TTC1: variants seen among roughly 807,000 people sequenced by gnomAD.
TTC1 encodes tetratricopeptide repeat domain 1.
In TTC1, 31 loss-of-function variants were observed where a neutral mutation model predicts 37.6. The observed-to-expected ratio is 0.82, with a 90% CI of 0.62 to 1.11. TTC1 has a LOEUF of 1.11. TTC1 is among the 50% of genes most tolerant of loss of function. The pLI is 0.00. For synonymous variants in TTC1, 127 were observed against 122.4 expected (o/e 1.04, Z -0.25); for missense variants, 351 against 339.0 (o/e 1.04, Z -0.28).
Position 160,051,176 on chromosome 5 carries a change from G to A in TTC1, c.738G>A (p.Glu246=), listed in dbSNP as rs745374026. The part of the protein sequence containing the change: ...IEERNERLKE[E]MLGKLKDLGN... ...AACGTAATGAAAGACTAAAAGAAGA[G>A]ATGTTAGGTAAGCTTACTTCTTACT... The change falls in exon 7 of 8, where the codon GAG becomes GAA. Residue 246 remains glutamate (E), a synonymous_variant. Coordinates refer to ENST00000231238, the MANE Select transcript of TTC1 (RefSeq NM_003314.3). 8.1e-6 allele frequency: 13 copies of A among 1,609,326 alleles called. No individual in the cohort carries two copies. Among genetic ancestry groups the A allele is most frequent in the African/African-American group, 2.7e-5 (2 of 74,562 alleles).
Position 160,054,026 on chromosome 5 carries a change from G to A in TTC1, c.745+2843G>A, listed in dbSNP as rs114305265. On this transcript the variant is annotated intron_variant, in intron 7 of 7. Transcript: ENST00000231238. ...CAGAAGATGATCGTGATAGCATCAA[G>A]ACGATCACTTGAGGAAAGTGGTCAG... Among the ~76,000 whole-genome samples, 589 of 152,308 alleles carry A rather than the reference G, an allele frequency of 3.9e-3. 3 individuals carry two copies. Among genetic ancestry groups the A allele is most frequent in the African/African-American group, 0.014 (573 of 41,560 alleles).
intron 2 of TTC1, among the ~76,000 whole-genome samples, chr5:160,022,710 C>T (rs1756733539): frequency 6.6e-6 from 1 of 152,118 alleles, no homozygotes; most frequent in Non-Finnish European, 1.5e-5. Context: ...AGTAGCATAC[C>T]ATTTCCATTT....
Position 160,049,653 on chromosome 5 carries a change from A to G in TTC1, c.681A>G (p.Glu227=), listed in dbSNP as rs991214506. 1 of 1,577,142 alleles carries G rather than the reference A, an allele frequency of 6.3e-7. No homozygotes were observed. Among genetic ancestry groups the G allele is most frequent in the Non-Finnish European group, 8.6e-7 (1 of 1,169,414 alleles). Residue 227 remains glutamate (E), a synonymous_variant, in exon 6 of 8, where the codon GAA becomes GAG. Transcript: ENST00000231238. ...ATCCATCAATACATCAAGCAAGAGA[A>G]GCTTGTATGGTAAAACCTAAAATTT... ...EKDPSIHQAR[E]ACMRLPKQIE... is the part of the protein sequence containing the mutation.
chr5:160,036,379 C>T, intron 3 of TTC1: 1 of 219,776 alleles, frequency 4.6e-6, no homozygotes, highest in Non-Finnish European at 9.3e-6. Flanking sequence ...TCTGAATTGC[C>T]CAGCCAAATG....
rs1270773462 is a variant in TTC1, at chr5:160,012,787, C to A, written c.330+1929C>A. ...TTTAGTGAAACTGTATATCAGTTCT[C>A]ATGTGTAGAATGCAGTGAGTTTGAC... On this transcript the variant is annotated intron_variant, in intron 2 of 7. Coordinates refer to ENST00000231238, the MANE Select transcript of TTC1 (RefSeq NM_003314.3). Among the ~76,000 whole-genome samples the A allele has an allele frequency of 3.9e-5, 6 of 152,204 alleles. No individual in the cohort carries two copies. In the East Asian group the frequency reaches 1.2e-3, roughly 29 times the overall value.
chr5:160,042,991 A>G, intron 4 of TTC1, 142 bp from the exon 5 acceptor site: 2 of 824,182 alleles, frequency 2.4e-6, no homozygotes, highest in Non-Finnish European at 1.8e-6. Flanking sequence ...CTTGGAAGTA[A>G]CATTCAGGTT....
intron 4 of TTC1, among the ~76,000 whole-genome samples, chr5:160,037,143 TA>T (rs1263712287): frequency 2.6e-5 from 4 of 152,130 alleles, no homozygotes; most frequent in African/African-American, 7.2e-5. Flanking sequence ...GAATTCTAGA[TA>T]AACATGCAAA....
In TTC1 at chr5:160,040,259, T is replaced by C. The variant is rs568228203; in HGVS notation, c.505-2874T>C. ...ATATAGATACATAAACACACACACATATGTATACACACACACACACACATA... is the reference window on the plus strand; with the variant it reads ...ATATAGATACATAAACACACACACACATGTATACACACACACACACACATA... On this transcript the variant is annotated intron_variant, in intron 4 of 7. Transcript: ENST00000231238. Among the ~76,000 whole-genome samples, 4 of 151,656 alleles carry C rather than the reference T, an allele frequency of 2.6e-5. No homozygotes were observed. In the East Asian group the frequency reaches 5.8e-4, roughly 22 times the overall value.
intron 7 of TTC1, among the ~76,000 whole-genome samples, chr5:160,055,852 G>A (rs1757532178): frequency 6.6e-6 from 1 of 152,242 alleles, no homozygotes; most frequent in Admixed American, 6.5e-5. Flanking sequence ...TGTAGCTGCA[G>A]CAGAGAAAAA....
intron 2 of TTC1, 59 bp downstream of exon 2, chr5:160,010,917 C>A: frequency 6.7e-7 from 1 of 1,489,656 alleles, no homozygotes; most frequent in South Asian, 1.3e-5. Context: ...AAAATGTGGT[C>A]GATACTGTAT....
intron 2 of TTC1, among the ~76,000 whole-genome samples, chr5:160,020,079 C>T (rs1756678567): frequency 6.6e-6 from 1 of 151,896 alleles, no homozygotes; most frequent in African/African-American, 2.4e-5. Flanking sequence ...CAGGTGCCCA[C>T]CACCACACCC....
intron 7 of TTC1, 109 bp downstream of exon 7, chr5:160,051,292 A>T (rs977467367): frequency 2.4e-6 from 2 of 829,226 alleles, no homozygotes; most frequent in Non-Finnish European, 3.7e-6. Flanking sequence ...GGACTCTACC[A>T]CAAGGCTACT....
intron 4 of TTC1, among the ~76,000 whole-genome samples, chr5:160,041,017 T>C (rs527566997): frequency 3.3e-5 from 5 of 152,118 alleles, no homozygotes; most frequent in Admixed American, 6.5e-5. Flanking sequence ...AGCCTAGGCC[T>C]ACACAGGATC....
chr5:160,028,532 A>G (rs964836722), intron 2 of TTC1, among the ~76,000 whole-genome samples: 2 of 152,148 alleles, frequency 1.3e-5, no homozygotes, highest in Admixed American at 6.5e-5. Flanking sequence ...CACCTAGGCT[A>G]TAGTGCAGTG....
chr5:160,028,096 G>A (rs375332473), intron 2 of TTC1, among the ~76,000 whole-genome samples: 2 of 152,126 alleles, frequency 1.3e-5, no homozygotes, highest in East Asian at 1.9e-4. Flanking sequence ...TCAGGAGATC[G>A]AGACCATCCT....
chr5:160,062,910 C>G (rs1379612358), intron 7 of TTC1, among the ~76,000 whole-genome samples: 1 of 152,144 alleles, frequency 6.6e-6, no homozygotes, highest in African/African-American at 2.4e-5. Context: ...GCTGCCCTGT[C>G]TTTCTCTTGC....
At chr5:160,042,426 C>T (rs1757116046) in intron 4 of TTC1, among the ~76,000 whole-genome samples, 1 of 152,168 alleles carries the variant, frequency 6.6e-6, no homozygotes, top group South Asian at 2.1e-4. Flanking sequence ...TCTTATATAA[C>T]ATCCAGTCTA....
chr5:160,036,478 G>A (rs1757000908), intron 3 of TTC1: 2 of 440,228 alleles, frequency 4.5e-6, no homozygotes, highest in Non-Finnish European at 4.2e-6. Flanking sequence ...ACCAAGCACA[G>A]CCTGTGAGAT....
chr5:160,038,535 A>T (rs772405292), intron 4 of TTC1, among the ~76,000 whole-genome samples: 1 of 151,990 alleles, frequency 6.6e-6, no homozygotes, highest in Non-Finnish European at 1.5e-5. Context: ...AGGAAAATGT[A>T]TGGTCTTGTT....
Sources: allele counts gnomAD v4.1 joint callset (sites outside exome capture counted in the v4.1 genomes callset), GRCh38; gene constraint gnomAD v4.1.1; transcripts MANE v1.5; gene names NCBI Gene and HGNC (gene_info 2026-07-23, HGNC 2026-07-21).